CLVS1: variants seen among roughly 807,000 people sequenced by gnomAD.
CLVS1 encodes clavesin 1.
A neutral mutation model predicts 33.1 loss-of-function variants in CLVS1; 10 were observed. The ratio of observed to expected loss-of-function variants is 0.30; its 90% CI spans 0.19 to 0.51. CLVS1 has a LOEUF of 0.51. Ranked by LOEUF, CLVS1 falls within the 20% of genes least tolerant of loss-of-function variation. CLVS1 has a pLI of 0.97. For missense variants in CLVS1, 343 were observed against 433.4 expected (o/e 0.79, Z 1.85); for synonymous variants, 163 against 166.1 (o/e 0.98, Z 0.14).
intron 2 of CLVS1, among the ~76,000 whole-genome samples, chr8:61,154,184 T>G (rs945152129): frequency 6.6e-6 from 1 of 152,158 alleles, no homozygotes; most frequent in African/African-American, 2.4e-5. Flanking sequence ...TTCACACTAT[T>G]AATATGAAAC....
At chr8:61,457,354 A>G (rs1260121524) in intron 4 of CLVS1, among the ~76,000 whole-genome samples, 2 of 152,180 alleles carry the variant, frequency 1.3e-5, no homozygotes, top group Non-Finnish European at 2.9e-5. Context: ...TATGCCTGCA[A>G]CATGAAGAAG....
At chr8:61,362,345 C>A (rs1180085753) in intron 2 of CLVS1, among the ~76,000 whole-genome samples, 1 of 152,138 alleles carries the variant, frequency 6.6e-6, no homozygotes, top group Non-Finnish European at 1.5e-5. Context: ...GGTCAGTCTC[C>A]CCTTACAGTC....
intron 2 of CLVS1, among the ~76,000 whole-genome samples, chr8:61,199,890 C>T (rs1807692196): frequency 6.6e-6 from 1 of 152,104 alleles, no homozygotes; most frequent in Admixed American, 6.5e-5. Flanking sequence ...ATTAGTTTAC[C>T]ATTCTCTAGT....
chr8:61,148,088 G>A (rs1320130902), intron 2 of CLVS1, among the ~76,000 whole-genome samples: 2 of 152,210 alleles, frequency 1.3e-5, no homozygotes, highest in Non-Finnish European at 2.9e-5. Flanking sequence ...CTCAAATTCA[G>A]CATTGGTTCT....
At chr8:61,463,788 C>A (rs879322838) in intron 5 of CLVS1, among the ~76,000 whole-genome samples, 1 of 151,938 alleles carries the variant, frequency 6.6e-6, no homozygotes, top group African/African-American at 2.4e-5. Flanking sequence ...AAGTTTGGGC[C>A]GGGTGCAGTG....
chr8:61,363,179 C>T (rs1361597653), intron 2 of CLVS1, among the ~76,000 whole-genome samples: 1 of 152,174 alleles, frequency 6.6e-6, no homozygotes, highest in Admixed American at 6.5e-5. Flanking sequence ...CTATTGAGAA[C>T]AATCCCTGAG....
upstream of CLVS1, among the ~76,000 whole-genome samples, chr8:61,284,569 C>T (rs1299671624): frequency 6.6e-6 from 1 of 152,002 alleles, no homozygotes; most frequent in Non-Finnish European, 1.5e-5. Flanking sequence ...GGGTAAAGAC[C>T]AAAGTGTCGG....
intron 1 of CLVS1, among the ~76,000 whole-genome samples, chr8:61,077,470 A>T (rs994973296): frequency 9.9e-5 from 14 of 141,964 alleles, no homozygotes; most frequent in African/African-American, 3.7e-4. Context: ...TATTATTATT[A>T]TTATTATTAT....
At chr8:61,397,444 G>T (rs1002045784) in intron 3 of CLVS1, among the ~76,000 whole-genome samples, 2 of 152,042 alleles carry the variant, frequency 1.3e-5, no homozygotes, top group African/African-American at 4.8e-5. Context: ...TCCCTGGTAA[G>T]ATCAAATATT....
At chr8:61,251,331 A>G (rs1022086735) in intron 2 of CLVS1, among the ~76,000 whole-genome samples, 3 of 152,000 alleles carry the variant, frequency 2.0e-5, no homozygotes, top group South Asian at 2.1e-4. Flanking sequence ...TTTATTGAGG[A>G]TTTTCGCATC....
At chr8:61,188,564 G>A (rs1214662923) in intron 2 of CLVS1, among the ~76,000 whole-genome samples, 1 of 152,048 alleles carries the variant, frequency 6.6e-6, no homozygotes, top group Non-Finnish European at 1.5e-5. Context: ...AGAATTTGAA[G>A]GCCATCTGCA....
At chr8:61,132,756 T>C (rs1006098920) in intron 2 of CLVS1, among the ~76,000 whole-genome samples, 5 of 152,154 alleles carry the variant, frequency 3.3e-5, no homozygotes, top group African/African-American at 1.2e-4. Context: ...AGTGATGAAG[T>C]GGGGGAAGTT....
At chr8:61,005,981 T>A in the CLVS1 span, among the ~76,000 whole-genome samples, 3 of 152,244 alleles carry the variant, frequency 2.0e-5, no homozygotes, top group African/African-American at 7.2e-5. Context: ...AGATTTATTG[T>A]TCACTAGCTT....
chr8:61,486,154 G>T (rs1032821856), intron 5 of CLVS1, among the ~76,000 whole-genome samples: 3 of 151,944 alleles, frequency 2.0e-5, no homozygotes, highest in African/African-American at 7.2e-5. Context: ...GATGCCTCCA[G>T]TGGGGTCAGA....
chr8:61,113,877 T>C (rs1805672139), intron 1 of CLVS1, among the ~76,000 whole-genome samples: 1 of 152,210 alleles, frequency 6.6e-6, no homozygotes, highest in African/African-American at 2.4e-5. Flanking sequence ...GCAACCCTCC[T>C]CTTGCCTTGG....
intron 2 of CLVS1, among the ~76,000 whole-genome samples, chr8:61,334,165 G>A (rs367929794): frequency 1.1e-4 from 16 of 152,178 alleles, no homozygotes; most frequent in Non-Finnish European, 1.3e-4. Flanking sequence ...TAGAAGAACC[G>A]GGTGTGAGAA....
the CLVS1 span, among the ~76,000 whole-genome samples, chr8:61,050,020 T>C: frequency 6.6e-6 from 1 of 152,260 alleles, no homozygotes; most frequent in African/African-American, 2.4e-5. Context: ...GCTATTGTCT[T>C]TAACACAATA....
intron 1 of CLVS1, among the ~76,000 whole-genome samples, chr8:61,062,325 A>G (rs1415202650): frequency 2.0e-5 from 3 of 152,230 alleles, no homozygotes; most frequent in Non-Finnish European, 4.4e-5. Flanking sequence ...GTCTACTCAC[A>G]TAAAATAAGA....
At chr8:61,333,822 T>C (rs187388589) in intron 2 of CLVS1, among the ~76,000 whole-genome samples, 4 of 151,994 alleles carry the variant, frequency 2.6e-5, no homozygotes, top group Admixed American at 2.0e-4. Flanking sequence ...TAGTATCCAT[T>C]TGTTATTTTT....
Sources: allele counts gnomAD v4.1 joint callset (sites outside exome capture counted in the v4.1 genomes callset), GRCh38; gene constraint gnomAD v4.1.1; transcripts MANE v1.5; gene names NCBI Gene and HGNC (gene_info 2026-07-23, HGNC 2026-07-21).